Variants in KRTAP4-16 observed in about 807,000 individuals in gnomAD.
KRTAP4-16 encodes keratin associated protein 4-16.
For synonymous variants in KRTAP4-16, 140 were observed against 88.8 expected, an observed-to-expected ratio of 1.58 and a Z score of -3.24; for missense variants, 378 against 233.5, an observed-to-expected ratio of 1.62 and a Z score of -4.03.
chr17:41,101,852 C>T, exon 1 of KRTAP4-16: 2 of 1,605,540 alleles, frequency 1.2e-6, no homozygotes, highest in Non-Finnish European at 1.7e-6. Flanking sequence ...CAGCTCGATT[C>T]ACAGCAAGAG....
chr17:41,101,698 G>GGGGAAGGGAGGGGAAGTGGTGGGGAA, the KRTAP4-16 span: 1 of 825,638 alleles, frequency 1.2e-6, no homozygotes, highest in Admixed American at 2.4e-5. Flanking sequence ...GGGAACGGGT[G>GGGGAAGGGAGGGGAAGTGGTGGGGAA]GGGAAGGGAA....
exon 1 of KRTAP4-16, chr17:41,102,004 C>G (rs1567962117): frequency 6.3e-7 from 1 of 1,587,032 alleles, no homozygotes; most frequent in Admixed American, 1.9e-5. Context: ...GGTGGTCTGA[C>G]AGCAGCTGGG....
At chr17:41,101,803 C>A (rs772730682) in exon 1 of KRTAP4-16, 3 of 1,569,590 alleles carry the variant, frequency 1.9e-6, no homozygotes, top group Non-Finnish European at 2.6e-6. Context: ...GCAGGAGACT[C>A]GACCACAGAC....
At chr17:41,101,981 T>G in exon 1 of KRTAP4-16, 3 of 1,601,622 alleles carry the variant, frequency 1.9e-6, no homozygotes, top group Non-Finnish European at 2.6e-6. Context: ...TGGCAGCAGG[T>G]CGTCCTGCAG....
At chr17:41,102,190 G>T in exon 1 of KRTAP4-16, 2 of 1,273,868 alleles carry the variant, frequency 1.6e-6, no homozygotes, top group Non-Finnish European at 2.3e-6. Context: ...GGGGCTGCAT[G>T]GCATCTTTGA....
chr17:41,102,133 G>T, exon 1 of KRTAP4-16: 2 of 1,543,358 alleles, frequency 1.3e-6, no homozygotes, highest in Non-Finnish European at 1.8e-6. Context: ...ACAACAGCTG[G>T]GGTGACAGCA....
exon 1 of KRTAP4-16, chr17:41,102,104 T>A (rs1225987149): frequency 1.3e-6 from 2 of 1,579,284 alleles, no homozygotes. Flanking sequence ...CAGGAGGTGG[T>A]TCTGCAGCAG....
chr17:41,101,698 G>GGGGAAAGGAGGGGAAGGGGTGGGGAA, the KRTAP4-16 span: 639 of 825,702 alleles, frequency 7.7e-4, 6 homozygotes, highest in Middle Eastern at 3.6e-4. Flanking sequence ...GGGAACGGGT[G>GGGGAAAGGAGGGGAAGGGGTGGGGAA]GGGAAGGGAA....
At chr17:41,102,029 G>A (rs756611553) in exon 1 of KRTAP4-16, 15 of 1,591,034 alleles carry the variant, frequency 9.4e-6, no homozygotes, top group Non-Finnish European at 1.3e-5. Flanking sequence ...CAGCAGGTGG[G>A]CTGGCAGCAC....
chr17:41,101,822 G>C (rs1232431537), exon 1 of KRTAP4-16: 6 of 1,587,266 alleles, frequency 3.8e-6, no homozygotes, highest in Admixed American at 1.8e-5. Flanking sequence ...ACTGGACGCA[G>C]GCAGCAGCAG....
At chr17:41,101,698 GGGGAA>G in the KRTAP4-16 span, 1 of 825,638 alleles carries the variant, frequency 1.2e-6, no homozygotes, top group Non-Finnish European at 1.9e-6. Flanking sequence ...GGGAACGGGT[GGGGAA>G]GGGAAGGGGA....
At chr17:41,101,549 G>C (rs1249673043) in exon 1 of KRTAP4-16, 3 of 431,584 alleles carry the variant, frequency 7.0e-6, no homozygotes, top group Non-Finnish European at 1.2e-5. Flanking sequence ...TGAGGGGAGG[G>C]GAGGGGAGGG....
chr17:41,102,104 T>G, exon 1 of KRTAP4-16: 1 of 1,579,284 alleles, frequency 6.3e-7, no homozygotes, highest in Non-Finnish European at 8.7e-7. Context: ...CAGGAGGTGG[T>G]TCTGCAGCAG....
chr17:41,101,843 A>G, exon 1 of KRTAP4-16: 1 of 1,600,406 alleles, frequency 6.2e-7, no homozygotes, highest in Non-Finnish European at 8.5e-7. Flanking sequence ...GGGCAGCAGC[A>G]GCTCGATTCA....
the KRTAP4-16 span, chr17:41,101,680 A>AAAGGGAGGGG: frequency 1.7e-6 from 1 of 576,926 alleles, no homozygotes; most frequent in East Asian, 4.2e-5. Context: ...GGAAAGGAAG[A>AAAGGGAGGGG]AAGGGAGGGG....
exon 1 of KRTAP4-16, chr17:41,101,809 C>T (rs765862137): frequency 5.1e-6 from 8 of 1,577,216 alleles, no homozygotes; most frequent in Admixed American, 3.8e-5. Flanking sequence ...GACTCGACCA[C>T]AGACTGGACG....
exon 1 of KRTAP4-16, chr17:41,101,997 G>C (rs1217432050): frequency 1.8e-5 from 29 of 1,602,244 alleles, no homozygotes; most frequent in Non-Finnish European, 2.5e-5. Context: ...TGCAGCAGGT[G>C]GTCTGACAGC....
exon 1 of KRTAP4-16, chr17:41,101,696 G>T (rs2013985580): frequency 1.2e-6 from 1 of 817,504 alleles, no homozygotes; most frequent in East Asian, 3.2e-5. Flanking sequence ...AGGGGAACGG[G>T]TGGGGAAGGG....
Position 41,101,712 on chromosome 17 carries a change from G to A in KRTAP4-16, c.498C>T (p.Leu166=). Residue 166 remains leucine (L), a synonymous_variant, in exon 1 of 1, where the codon CTC becomes CTT. Transcript: ENST00000440582. ...GGGGAACGGGTGGGGAAGGGAAGGG[G>A]AGGGGAAGGGGAGGGGAGGCACAGC... 1 of 978,118 alleles carries A rather than the reference G, an allele frequency of 1.0e-6. No homozygotes were observed. The highest frequency in any genetic ancestry group is 1.5e-6 in the Non-Finnish European group (1 of 670,164). 60.6% of individuals were successfully genotyped at this position (978,118 alleles called of 1,614,324 possible).
Sources: allele counts gnomAD v4.1 joint callset, GRCh38; gene constraint gnomAD v4.1.1; transcripts MANE v1.5; gene names NCBI Gene and HGNC (gene_info 2026-07-23, HGNC 2026-07-21).